The following MYH13 variants were observed in gnomAD, a reference collection of about 807,000 sequenced individuals.
The protein encoded by MYH13 is myosin heavy chain 13, also known as myosin-13.
MYH13 carries 177 observed loss-of-function variants against 232.1 expected under a neutral mutation model. The ratio of observed to expected loss-of-function variants is 0.76; its 90% CI spans 0.67 to 0.86. MYH13 has a LOEUF of 0.86. Ranked by LOEUF, MYH13 falls within the 40% of genes least tolerant of loss-of-function variation. The pLI, the probability that MYH13 is intolerant of heterozygous loss-of-function variation, is 0.00. For synonymous variants in MYH13, 884 were observed against 923.5 expected, an observed-to-expected ratio of 0.96 and a Z score of 0.78; for missense variants, 2,246 against 2,405.9, an observed-to-expected ratio of 0.93 and a Z score of 1.39.
At chr17:10,322,396 C>CA (rs1244657815) in intron 23 of MYH13, among the ~76,000 whole-genome samples, 1 of 152,054 alleles carries the variant, frequency 6.6e-6, no homozygotes, top group African/African-American at 2.4e-5. Flanking sequence ...GACTCCGTCT[C>CA]AAAAATAAAG....
intron 2 of MYH13, among the ~76,000 whole-genome samples, chr17:10,367,804 T>G (rs746813299): frequency 6.6e-6 from 1 of 152,222 alleles, no homozygotes; most frequent in African/African-American, 2.4e-5. Flanking sequence ...CATTGCTGTA[T>G]GTTTGGTGAA....
chr17:10,322,078 G>A (rs1354005751), intron 23 of MYH13, among the ~76,000 whole-genome samples: 1 of 152,202 alleles, frequency 6.6e-6, no homozygotes, highest in Non-Finnish European at 1.5e-5. Flanking sequence ...AGGAAGGGGA[G>A]GAGAGGCGTG....
At chr17:10,339,805 T>A (rs536103703) in intron 18 of MYH13, among the ~76,000 whole-genome samples, 10 of 152,236 alleles carry the variant, frequency 6.6e-5, no homozygotes, top group African/African-American at 1.7e-4. Flanking sequence ...TAACTGAAAT[T>A]GAAATTTAAT....
At chr17:10,338,188 A>G (rs8070527) in intron 18 of MYH13, among the ~76,000 whole-genome samples, 117,669 of 152,082 alleles carry the variant, frequency 0.77, 45,913 homozygotes, top group East Asian at 0.9. Flanking sequence ...ATTTATGCAA[A>G]CATGTACTCA....
chr17:10,321,678 G>T lies in MYH13; in HGVS notation c.2965C>A (p.Leu989Ile). ...VKNLSEEMTA[L>I]EENISKLTKE... ...GTCAATTTGGAAATGTTTTCTTCAA[G>T]TGCTGTCATTTCTTCGGAAAGATTC... Residue 989 changes from leucine (L) to isoleucine (I), a missense_variant, in exon 24 of 41, where the codon CTT (leucine) becomes ATT (isoleucine). Physicochemically the swap from Leu to Ile is conservative, Grantham distance 5. Coordinates refer to ENST00000252172, the MANE Select transcript of MYH13 (RefSeq NM_003802.3). 6.2e-7 allele frequency: 1 copy of T among 1,613,402 alleles called. No individual in the cohort carries two copies. The highest frequency in any genetic ancestry group is 8.5e-7 in the Non-Finnish European group (1 of 1,179,706).
chr17:10,320,511 A>G lies in MYH13; in HGVS notation c.3112-15T>C, dbSNP rs376865400. 1.4e-5 allele frequency: 23 copies of G among 1,608,596 alleles called. No individual in the cohort carries two copies. In the African/African-American group the frequency reaches 2.4e-4, roughly 17 times the overall value. ...GAACCCTCAAGCTGAGAAGACACAC[A>G]GGTAGAAAATTAAGCCCCTGCTGGG... On this transcript the variant is annotated splice_polypyrimidine_tract_variant and intron_variant, in intron 24 of 40. Transcript: ENST00000252172.
At chr17:10,305,429 T>C (rs1362551396) in intron 37 of MYH13, among the ~76,000 whole-genome samples, 1 of 152,218 alleles carries the variant, frequency 6.6e-6, no homozygotes, top group East Asian at 1.9e-4. Context: ...AAAAAGTCTA[T>C]GGCCTTGTTG....
intron 22 of MYH13, chr17:10,324,897 C>T (rs934418805): frequency 6.6e-6 from 1 of 151,720 alleles, no homozygotes; most frequent in Non-Finnish European, 1.5e-5. Flanking sequence ...GAGTGTAGCC[C>T]ACTGCATCCT....
In MYH13 at chr17:10,320,338, A is replaced by G; in HGVS notation, c.3257+13T>C. The G allele has an allele frequency of 3.1e-6, 5 of 1,611,052 alleles. No homozygotes were observed. In the South Asian group the frequency reaches 5.5e-5, roughly 18 times the overall value. On this transcript the variant is annotated intron_variant, in intron 25 of 40. Coordinates refer to ENST00000252172, the MANE Select transcript of MYH13 (RefSeq NM_003802.3). ...TTAGGCTGAGACACAGAGGTGGTAA[A>G]AGAAATATCTACTTTTTCAATTTCT...
At chr17:10,309,490 T>C in intron 34 of MYH13, 32 bp downstream of exon 34, 1 of 1,602,462 alleles carries the variant, frequency 6.2e-7, no homozygotes, top group South Asian at 1.1e-5. Context: ...CTGGGGCCCG[T>C]CCAGGTACGC....
intron 18 of MYH13, 44 bp downstream of exon 18, chr17:10,340,106 G>A (rs761703090): frequency 1.1e-5 from 17 of 1,543,784 alleles, no homozygotes; most frequent in Admixed American, 5.2e-5. Context: ...ATCTCAGGGC[G>A]TCCTGTTCTG....
chr17:10,371,064 A>T (rs1454565519), intron 2 of MYH13, 145 bp downstream of exon 2: 3 of 152,218 alleles, frequency 2.0e-5, no homozygotes, highest in Admixed American at 6.5e-5. Context: ...TATATTTTAA[A>T]ATCTACCTTT....
intron 19 of MYH13, 24 bp from the exon 20 acceptor site, chr17:10,332,246 A>G (rs1907433833): frequency 3.1e-6 from 5 of 1,611,032 alleles, no homozygotes; most frequent in East Asian, 2.2e-5. Flanking sequence ...ACATTTCCCA[A>G]ATGGATTCCA....
chr17:10,328,265 C>G, intron 21 of MYH13, 144 bp from the exon 22 acceptor site: 3 of 897,404 alleles, frequency 3.3e-6, no homozygotes, highest in East Asian at 2.6e-5. Context: ...TCCTCTGGAT[C>G]CAGAGTAGGT....
chr17:10,347,550 T>C (rs1245999602), intron 12 of MYH13, among the ~76,000 whole-genome samples: 2 of 152,066 alleles, frequency 1.3e-5, no homozygotes, highest in Non-Finnish European at 2.9e-5. Flanking sequence ...TTCAAATGTT[T>C]GGAGATGGTC....
At chr17:10,313,436 C>T in intron 29 of MYH13, 82 bp from the exon 30 acceptor site, 1 of 1,591,764 alleles carries the variant, frequency 6.3e-7, no homozygotes. Context: ...TCGCTTTCCC[C>T]CAACTTGAAT....
Position 10,343,788 on chromosome 17 carries a change from A to G in MYH13, c.1894+12T>C. 1 of 1,572,552 alleles carries G rather than the reference A, an allele frequency of 6.4e-7. No individual in the cohort carries two copies. On this transcript the variant is annotated intron_variant, in intron 16 of 40. Transcript: ENST00000252172. ...AACGTCCCACAGAGGGAAAGAAATG[A>G]TAGAATTTTACCTGTCTCTGCACCA...
rs1258559381 is a variant in MYH13, at chr17:10,348,531, A to G, written c.1145-1733T>C. On this transcript the variant is annotated intron_variant, in intron 12 of 40. Transcript: ENST00000252172. Reference sequence around the variant, plus strand: ...TTAGCTTGGGTTGGTATCGTCATTGATATCATTGGAGCACTGGCCTTGATT... The same window carrying G: ...TTAGCTTGGGTTGGTATCGTCATTGGTATCATTGGAGCACTGGCCTTGATT... Among the ~76,000 whole-genome samples the G allele has an allele frequency of 3.3e-5, 5 of 152,178 alleles. No individual in the cohort carries two copies. In the East Asian group the frequency reaches 5.8e-4, roughly 18 times the overall value.
At chr17:10,310,771 A>G (rs182094941) in intron 33 of MYH13, among the ~76,000 whole-genome samples, 1 of 152,208 alleles carries the variant, frequency 6.6e-6, no homozygotes, top group Non-Finnish European at 1.5e-5. Flanking sequence ...TTGATAGCCA[A>G]AAATGATTGT....
Sources: allele counts gnomAD v4.1 joint callset (sites outside exome capture counted in the v4.1 genomes callset), GRCh38; gene constraint gnomAD v4.1.1; transcripts MANE v1.5; gene names NCBI Gene and HGNC (gene_info 2026-07-23, HGNC 2026-07-21).